The following ATP8A2 variants were observed in gnomAD, a reference collection of about 807,000 sequenced individuals.
ATP8A2 encodes the protein phospholipid-transporting ATPase IB.
ATP8A2 carries 100 observed loss-of-function variants against 165.6 expected under a neutral mutation model. That is an observed-to-expected ratio of 0.60 (90% confidence interval 0.51 to 0.71). The LOEUF is 0.71. ATP8A2 is among the 30% of genes least tolerant of loss of function. The probability of loss-of-function intolerance (pLI) is 0.00; values close to 1 mark genes in which losing one functional copy is unlikely to be tolerated. For missense variants in ATP8A2, 1,227 were observed against 1,479.5 expected, an observed-to-expected ratio of 0.83 and a Z score of 2.80; for synonymous variants, 543 against 548.8, an observed-to-expected ratio of 0.99 and a Z score of 0.15.
At position 25,884,437 on chromosome 13, in the gene ATP8A2, T is replaced by G. The variant is rs74796063; in HGVS notation, c.3183+22029T>G. On this transcript the variant is annotated intron_variant, in intron 33 of 36. Transcript: ENST00000381655. ...GATAAAGCAGATCCCCCGCTTCTGC[T>G]CCCACTTCTCGCGGGTGCCTTCTAG... Among the ~76,000 whole-genome samples the G allele has an allele frequency of 5.6e-3, 845 of 152,232 alleles. 7 individuals carry two copies. The highest frequency in any genetic ancestry group is 9.0e-3 in the Non-Finnish European group (610 of 68,014).
chr13:25,591,135 G>A (rs1440847204), intron 24 of ATP8A2: 4 of 266,884 alleles, frequency 1.5e-5, no homozygotes, highest in South Asian at 1.4e-4. Flanking sequence ...GAAATACTAT[G>A]TGTGTGTGTG....
At chr13:25,513,031 C>T (rs550059323) in intron 2 of ATP8A2, among the ~76,000 whole-genome samples, 305 of 149,348 alleles carry the variant, frequency 2.0e-3, no homozygotes, top group South Asian at 0.011. Context: ...ACCTCCCTCC[C>T]GGACGGGGCG....
chr13:25,870,593 A>G (rs1010470496), intron 33 of ATP8A2, among the ~76,000 whole-genome samples: 6 of 152,234 alleles, frequency 3.9e-5, no homozygotes, highest in Admixed American at 1.3e-4. Flanking sequence ...GTAATCTGCA[A>G]CCACATGAGG....
chr13:25,703,291 G>A (rs559476228), intron 25 of ATP8A2, among the ~76,000 whole-genome samples: 2 of 152,030 alleles, frequency 1.3e-5, no homozygotes, highest in South Asian at 4.2e-4. Flanking sequence ...TGTTGGCCAG[G>A]ATGGTCTCGA....
intron 1 of ATP8A2, among the ~76,000 whole-genome samples, chr13:25,390,998 T>A (rs2033226476): frequency 6.6e-6 from 1 of 152,160 alleles, no homozygotes; most frequent in Admixed American, 6.5e-5. Flanking sequence ...CTGAGTTGTG[T>A]TCTATTATTA....
At chr13:25,565,573 ATTGT>A (rs1390472758) in intron 16 of ATP8A2, among the ~76,000 whole-genome samples, 1 of 151,702 alleles carries the variant, frequency 6.6e-6, no homozygotes, top group Non-Finnish European at 1.5e-5. Context: ...TTTTGATGAG[ATTGT>A]TTGTTTTTTT....
At chr13:25,487,449 C>T (rs1452961177) in intron 2 of ATP8A2, among the ~76,000 whole-genome samples, 3 of 152,152 alleles carry the variant, frequency 2.0e-5, no homozygotes, top group Non-Finnish European at 2.9e-5. Flanking sequence ...CACCCTCATG[C>T]AACAATGTAT....
rs573311035 is a variant in ATP8A2, at chr13:25,809,683, G to A, written c.2680-18435G>A. Among the ~76,000 whole-genome samples, 63 of 151,788 alleles carry A rather than the reference G, an allele frequency of 4.2e-4. 1 individual carries two copies. The South Asian group carries it at 0.012, about 29-fold the overall frequency. ...TCTCTCCTCTAGCTCACAACACCCT[G>A]TGTTCTTCAGAGCTCTGATGTTCTT... On this transcript the variant is annotated intron_variant, in intron 27 of 36. Coordinates refer to ENST00000381655, the MANE Select transcript of ATP8A2 (RefSeq NM_016529.6).
At chr13:25,422,626 A>C (rs2034333478) in intron 1 of ATP8A2, among the ~76,000 whole-genome samples, 1 of 152,230 alleles carries the variant, frequency 6.6e-6, no homozygotes, top group African/African-American at 2.4e-5. Flanking sequence ...CAGCCTACAT[A>C]ACACACACAG....
At chr13:26,002,116 C>T (rs80234731) in intron 35 of ATP8A2, among the ~76,000 whole-genome samples, 3,635 of 152,302 alleles carry the variant, frequency 0.024, 134 homozygotes, top group African/African-American at 0.076. Context: ...ATTGTCATCA[C>T]CTCACCAACT....
At chr13:25,899,076 A>C (rs1016380149) in intron 33 of ATP8A2, among the ~76,000 whole-genome samples, 1 of 152,312 alleles carries the variant, frequency 6.6e-6, no homozygotes, top group Middle Eastern at 3.4e-3. Flanking sequence ...AGATGAACCC[A>C]GTACCTCAGT....
At chr13:25,479,116 G>A (rs1265098279) in intron 2 of ATP8A2, among the ~76,000 whole-genome samples, 1 of 152,132 alleles carries the variant, frequency 6.6e-6, no homozygotes, top group Non-Finnish European at 1.5e-5. Flanking sequence ...AAAGTACTGG[G>A]ATTACAGGCA....
At chr13:25,445,703 C>T (rs2035048595) in intron 1 of ATP8A2, among the ~76,000 whole-genome samples, 1 of 152,048 alleles carries the variant, frequency 6.6e-6, no homozygotes, top group South Asian at 2.1e-4. Flanking sequence ...GATTAAGATT[C>T]CTGTAGATGG....
At chr13:25,575,186 T>C (rs983579320) in intron 19 of ATP8A2, among the ~76,000 whole-genome samples, 4 of 152,194 alleles carry the variant, frequency 2.6e-5, no homozygotes, top group African/African-American at 9.6e-5. Context: ...ATTATTTTCA[T>C]TGGCGTTTCC....
chr13:25,450,789 C>G (rs2035203922), intron 1 of ATP8A2, among the ~76,000 whole-genome samples: 1 of 152,064 alleles, frequency 6.6e-6, no homozygotes, highest in Non-Finnish European at 1.5e-5. Flanking sequence ...CCTCGGCCTC[C>G]CAAAGTGCTA....
rs1292028933 is a variant in ATP8A2, at chr13:25,480,110, C to T, written c.221+10989C>T. On this transcript the variant is annotated intron_variant, in intron 2 of 36. Coordinates refer to ENST00000381655, the MANE Select transcript of ATP8A2 (RefSeq NM_016529.6). ...TCACCTCCCGGACGGGGCGGCTGGC[C>T]GGGCGGGGGGCTGACCCCCCACCTC... Among the ~76,000 whole-genome samples, 1,281 of 148,354 alleles carry T rather than the reference C, an allele frequency of 8.6e-3. 33 individuals are homozygous for T. Among genetic ancestry groups the T allele is most frequent in the African/African-American group, 0.03 (1,194 of 39,464 alleles).
At chr13:25,927,225 C>T (rs1244747255) in intron 33 of ATP8A2, 2 of 456,768 alleles carry the variant, frequency 4.4e-6, no homozygotes, top group Non-Finnish European at 8.8e-6. Context: ...GGCTGCTCCA[C>T]ACACTGGAAA....
At position 25,473,564 on chromosome 13, in the gene ATP8A2, T is replaced by C. The variant is rs191768527; in HGVS notation, c.221+4443T>C. On this transcript the variant is annotated intron_variant, in intron 2 of 36. Coordinates refer to ENST00000381655, the MANE Select transcript of ATP8A2 (RefSeq NM_016529.6). ...GTGCACAATTCAGCCATCTGAAGTA[T>C]ACAATTCAGTGATTTTTAATATATT... Among the ~76,000 whole-genome samples, 504 of 152,350 alleles carry C rather than the reference T, an allele frequency of 3.3e-3. 4 individuals are homozygous for C. Among genetic ancestry groups the C allele is most frequent in the African/African-American group, 0.012 (481 of 41,586 alleles).
intron 25 of ATP8A2, among the ~76,000 whole-genome samples, chr13:25,708,661 T>C (rs1000149409): frequency 3.9e-5 from 6 of 152,130 alleles, no homozygotes; most frequent in African/African-American, 1.4e-4. Context: ...GCCCCAAGAT[T>C]ACAGTCAGCA....
Sources: allele counts gnomAD v4.1 joint callset (sites outside exome capture counted in the v4.1 genomes callset), GRCh38; gene constraint gnomAD v4.1.1; transcripts MANE v1.5; gene names NCBI Gene and HGNC (gene_info 2026-07-23, HGNC 2026-07-21).